Variants in CNTN4 observed in about 807,000 individuals in gnomAD.
CNTN4 encodes contactin-4.
Under a neutral mutation model 122.5 loss-of-function variants are expected in CNTN4, and 77 were observed. That is an observed-to-expected ratio of 0.63 (90% confidence interval 0.52 to 0.76). The LOEUF (loss-of-function observed/expected upper bound fraction) is 0.76, where lower values mean the gene tolerates loss of function less well. Ranked by LOEUF, CNTN4 falls within the 30% of genes least tolerant of loss-of-function variation. CNTN4 has a pLI of 0.00. For missense variants in CNTN4, 1,256 were observed against 1,259.1 expected (o/e 1.00, Z 0.04); for synonymous variants, 512 against 447.0 (o/e 1.15, Z -1.83).
intron 7 of CNTN4, among the ~76,000 whole-genome samples, chr3:2,825,725 T>C (rs2092972519): frequency 6.6e-6 from 1 of 152,152 alleles, no homozygotes; most frequent in South Asian, 2.1e-4. Context: ...GAAGTAGCAT[T>C]TTCTATTCAG....
At chr3:2,975,760 G>GT (rs1247225376) in intron 13 of CNTN4, among the ~76,000 whole-genome samples, 2 of 151,944 alleles carry the variant, frequency 1.3e-5, no homozygotes, top group South Asian at 2.1e-4. Flanking sequence ...ATATTTTAAT[G>GT]TTTTTTTCTC....
chr3:2,115,486 G>C (rs1268507431), intron 2 of CNTN4, among the ~76,000 whole-genome samples: 1 of 152,198 alleles, frequency 6.6e-6, no homozygotes, highest in African/African-American at 2.4e-5. Flanking sequence ...CTTTCTGTTA[G>C]GGACATCCAC....
At chr3:2,488,919 G>T (rs1337894310) in intron 3 of CNTN4, among the ~76,000 whole-genome samples, 1 of 152,234 alleles carries the variant, frequency 6.6e-6, no homozygotes, top group South Asian at 2.1e-4. Flanking sequence ...TTTAATAATA[G>T]ATAGTCTAGA....
chr3:2,296,351 A>C (rs1373852193), intron 2 of CNTN4, among the ~76,000 whole-genome samples: 5 of 152,168 alleles, frequency 3.3e-5, no homozygotes, highest in East Asian at 3.9e-4. Flanking sequence ...CTTTTATTTC[A>C]TTGAGCAGTG....
chr3:2,791,167 G>C lies in CNTN4; in HGVS notation c.359-28319G>C, dbSNP rs190161977. ...TTATCATGTAACTCACAAGATTACTGTAAGGAATTATGCAAATAATGGTGG... is the reference window on the plus strand; with the variant it reads ...TTATCATGTAACTCACAAGATTACTCTAAGGAATTATGCAAATAATGGTGG... On this transcript the variant is annotated intron_variant, in intron 6 of 24. Coordinates refer to ENST00000418658, the MANE Select transcript of CNTN4 (RefSeq NM_175607.3). Among the ~76,000 whole-genome samples, 36 of 152,280 alleles carry C rather than the reference G, an allele frequency of 2.4e-4. No individual in the cohort carries two copies. The South Asian group carries it at 5.4e-3, about 23-fold the overall frequency.
At chr3:2,749,328 G>GTTTTTTTTTTTTTT (rs11381094) in intron 6 of CNTN4, among the ~76,000 whole-genome samples, 1 of 135,676 alleles carries the variant, frequency 7.4e-6, no homozygotes. Context: ...GCCCAGATAA[G>GTTTTTTTTTTTTTT]TTTTTTTTTT....
At chr3:2,893,301 G>A (rs745881917) in intron 10 of CNTN4, among the ~76,000 whole-genome samples, 1 of 152,184 alleles carries the variant, frequency 6.6e-6, no homozygotes. Flanking sequence ...GCATCTTACA[G>A]CAGAGCATAC....
intron 3 of CNTN4, among the ~76,000 whole-genome samples, chr3:2,349,693 G>T (rs2044534938): frequency 6.6e-6 from 1 of 152,194 alleles, no homozygotes; most frequent in Non-Finnish European, 1.5e-5. Context: ...TGGACTATCT[G>T]CAGAATATTA....
At chr3:2,487,566 A>G (rs1379359293) in intron 3 of CNTN4, among the ~76,000 whole-genome samples, 1 of 152,212 alleles carries the variant, frequency 6.6e-6, no homozygotes. Flanking sequence ...AGCATTTCCA[A>G]ATACTCTTTA....
intron 3 of CNTN4, among the ~76,000 whole-genome samples, chr3:2,507,466 A>G (rs905744692): frequency 1.3e-5 from 2 of 152,096 alleles, no homozygotes; most frequent in Non-Finnish European, 2.9e-5. Context: ...CTGTAATCCC[A>G]GCACTCTGGT....
intron 2 of CNTN4, among the ~76,000 whole-genome samples, chr3:2,288,372 G>A (rs1172820589): frequency 1.3e-5 from 2 of 151,874 alleles, no homozygotes; most frequent in African/African-American, 4.8e-5. Context: ...GAGATAGAGG[G>A]GAGGTGGCAG....
intron 14 of CNTN4, among the ~76,000 whole-genome samples, chr3:3,008,673 C>T (rs1394840507): frequency 6.6e-6 from 1 of 152,164 alleles, no homozygotes; most frequent in Non-Finnish European, 1.5e-5. Flanking sequence ...AAACATGTAA[C>T]CTGACACAGA....
chr3:2,118,926 G>A (rs2033546251), intron 2 of CNTN4, among the ~76,000 whole-genome samples: 1 of 152,200 alleles, frequency 6.6e-6, no homozygotes, highest in African/African-American at 2.4e-5. Flanking sequence ...TGACTAATAT[G>A]TAAATGACAT....
chr3:2,988,968 TTA>T, intron 14 of CNTN4: 3 of 160,086 alleles, frequency 1.9e-5, no homozygotes, highest in Admixed American at 1.8e-4. Flanking sequence ...ATGCTTTGCC[TTA>T]GTCACCCAGC....
intron 4 of CNTN4, among the ~76,000 whole-genome samples, chr3:2,610,475 TCTTGGTAGCACC>T (rs1416470864): frequency 2.0e-5 from 3 of 152,308 alleles, no homozygotes; most frequent in African/African-American, 7.2e-5. Flanking sequence ...CTTCATCTCT[TCTTGGTAGCACC>T]CTCGCCATTT....
chr3:2,533,806 C>G (rs917508149), intron 3 of CNTN4, among the ~76,000 whole-genome samples: 12 of 152,176 alleles, frequency 7.9e-5, no homozygotes, highest in Non-Finnish European at 1.8e-4. Flanking sequence ...GCCATTCTAA[C>G]TGGTGTGAGA....
chr3:2,256,886 G>A (rs914210544), intron 2 of CNTN4, among the ~76,000 whole-genome samples: 10 of 152,060 alleles, frequency 6.6e-5, no homozygotes, highest in Admixed American at 6.6e-4. Context: ...CAGATTCAAT[G>A]CTATCCCCAT....
intron 3 of CNTN4, among the ~76,000 whole-genome samples, chr3:2,490,952 G>T (rs749596279): frequency 1.3e-4 from 20 of 152,096 alleles, no homozygotes; most frequent in Non-Finnish European, 2.4e-4. Context: ...GAATGACCTA[G>T]ATCTAGAGAT....
At chr3:2,154,779 G>C (rs982956149) in intron 2 of CNTN4, among the ~76,000 whole-genome samples, 1 of 152,186 alleles carries the variant, frequency 6.6e-6, no homozygotes. Context: ...CTCCCAATTC[G>C]TGGGAAGAGT....
Sources: gnomAD v4.1 joint callset for allele counts (sites outside exome capture counted in the v4.1 genomes callset) on GRCh38, gnomAD v4.1.1 for gene constraint, MANE v1.5 for transcripts, NCBI Gene and HGNC (gene_info 2026-07-23, HGNC 2026-07-21) for gene names.